The following KIF3C variants were observed in gnomAD, a reference collection of about 807,000 sequenced individuals.
KIF3C encodes kinesin-like protein KIF3C.
Under a neutral mutation model 67.7 loss-of-function variants are expected in KIF3C, and 12 were observed. That is an observed-to-expected ratio of 0.18 (90% CI 0.11 to 0.29). The LOEUF is 0.29. Ranked by LOEUF, KIF3C falls within the 10% of genes least tolerant of loss-of-function variation. The pLI, the probability that KIF3C is intolerant of heterozygous loss-of-function variation, is 1.00. For synonymous variants in KIF3C, 393 were observed against 426.2 expected, an observed-to-expected ratio of 0.92 and a Z score of 0.96; for missense variants, 789 against 1,059.6, an observed-to-expected ratio of 0.74 and a Z score of 3.55.
In KIF3C at chr2:25,980,331, T is replaced by C. The variant is rs769765061; in HGVS notation, c.1545+42A>G. 6.6e-7 allele frequency: 1 copy of C among 1,511,956 alleles called. No individual in the cohort carries two copies. Among genetic ancestry groups the C allele is most frequent in the Non-Finnish European group, 9.0e-7 (1 of 1,105,228 alleles). The allele number at this position is 1,511,956 out of a possible 1,614,324, so 93.7% of individuals were successfully genotyped here. A position where few individuals can be genotyped will look rare whatever the true frequency, so the allele number is the denominator to read the frequency against. Reference sequence around the variant, plus strand: ...GAAGAGCCTCCTTGCCGGGATCCCCTGCGGGGACATCTCGAGTGCCCAGCT... The same window carrying C: ...GAAGAGCCTCCTTGCCGGGATCCCCCGCGGGGACATCTCGAGTGCCCAGCT... On this transcript the variant is annotated intron_variant, in intron 1 of 7. Coordinates refer to ENST00000264712, the MANE Select transcript of KIF3C (RefSeq NM_002254.8). The surrounding 1 kb of genome is among the most constrained non-coding windows in gnomAD (Gnocchi z 7.6).
rs149613696 is a variant in KIF3C at position 25,966,552 on chromosome 2, G to A, written c.1546-10108C>T. On this transcript the variant is annotated intron_variant, in intron 1 of 7. Coordinates refer to ENST00000264712, the MANE Select transcript of KIF3C (RefSeq NM_002254.8). Reference sequence around the variant, plus strand: ...ACAATGCCAGCTTGTAGACACAGCCGGGGATACTCAGAGACTCACCTTTAA... The same window carrying A: ...ACAATGCCAGCTTGTAGACACAGCCAGGGATACTCAGAGACTCACCTTTAA... Among the ~76,000 whole-genome samples, 112 of 152,290 alleles carry A rather than the reference G, an allele frequency of 7.4e-4. 1 individual carries two copies. In the East Asian group the frequency reaches 0.019, roughly 26 times the overall value.
rs981436631 is a variant in KIF3C, at chr2:25,958,436, C to A, written c.1546-1992G>T. On this transcript the variant is annotated intron_variant, in intron 1 of 7. Coordinates refer to ENST00000264712, the MANE Select transcript of KIF3C (RefSeq NM_002254.8). The surrounding 1 kb of genome is among the most constrained non-coding windows in gnomAD (Gnocchi z 4.5). Reference sequence around the variant, plus strand: ...GCTCTACTAAAAAGACAAAAATTAGCTGGGTGTGGTGGCGTGCACCTGTAG... The same window carrying A: ...GCTCTACTAAAAAGACAAAAATTAGATGGGTGTGGTGGCGTGCACCTGTAG... Among the ~76,000 whole-genome samples, 3 of 151,988 alleles carry A rather than the reference C, an allele frequency of 2.0e-5. No individual in the cohort carries two copies. In the East Asian group the frequency reaches 5.8e-4, roughly 29 times the overall value.
chr2:25,942,514 G>T (rs542977161), intron 5 of KIF3C, among the ~76,000 whole-genome samples: 10 of 151,402 alleles, frequency 6.6e-5, no homozygotes, highest in Non-Finnish European at 1.3e-4. Flanking sequence ...GGGTTCAAGC[G>T]ATTCTCCTGC....
chr2:25,976,660 A>G (rs971908343), intron 1 of KIF3C, among the ~76,000 whole-genome samples: 1 of 152,008 alleles, frequency 6.6e-6, no homozygotes, highest in Non-Finnish European at 1.5e-5. Context: ...ACTAGGGAGG[A>G]TGAGGCAGGA....
chr2:25,929,226 C>A, intron 7 of KIF3C, 79 bp downstream of exon 7: 1 of 1,524,276 alleles, frequency 6.6e-7, no homozygotes, highest in Non-Finnish European at 9.0e-7. Flanking sequence ...ACCAGCAAAA[C>A]CCTCTTTAGC....
At position 25,981,265 on chromosome 2, in the gene KIF3C, G is replaced by A; in HGVS notation, c.653C>T (p.Ala218Val). ...GCACTCCACAGTGATGATGAAGATG[G>A]CATGGGAGCGGGAGCTGACCTCATT... Reference protein sequence around the residue: ...HMNEVSSRSHAIFIITVECSE... With the variant: ...HMNEVSSRSHVIFIITVECSE... Residue 218 changes from alanine (A) to valine (V), a missense_variant, in exon 1 of 8, where the codon GCC (alanine) becomes GTC (valine). Around this residue, in one of 2 missense-constraint regions of KIF3C, gnomAD observed 648 missense variants for 807.8 expected, o/e 0.80. Coordinates refer to ENST00000264712, the MANE Select transcript of KIF3C (RefSeq NM_002254.8). The surrounding 1 kb of genome is among the most constrained non-coding windows in gnomAD (Gnocchi z 8.2). 2 of 1,614,204 alleles carry A rather than the reference G, an allele frequency of 1.2e-6. No individual in the cohort carries two copies. The highest frequency in any genetic ancestry group is 1.7e-6 in the Non-Finnish European group (2 of 1,180,034).
intron 4 of KIF3C, 37 bp from the exon 5 acceptor site, chr2:25,951,942 T>C (rs531331236): frequency 7.1e-7 from 1 of 1,403,540 alleles, no homozygotes; most frequent in Non-Finnish European, 1.0e-6. Flanking sequence ...GGAAAATGGG[T>C]GAGCGAGAGA....
At chr2:25,935,421 T>C (rs1044502944) in intron 5 of KIF3C, among the ~76,000 whole-genome samples, 1 of 152,008 alleles carries the variant, frequency 6.6e-6, no homozygotes, top group Non-Finnish European at 1.5e-5. Context: ...AGCTGGAGTG[T>C]GATGGCAACA....
intron 1 of KIF3C, among the ~76,000 whole-genome samples, chr2:25,979,885 G>A (rs1371610165): frequency 1.3e-5 from 2 of 152,150 alleles, no homozygotes; most frequent in South Asian, 2.1e-4. Context: ...ATGGCCAAAG[G>A]ATCCAATGAG....
At chr2:25,966,703 G>A (rs1664149176) in intron 1 of KIF3C, among the ~76,000 whole-genome samples, 1 of 152,340 alleles carries the variant, frequency 6.6e-6, no homozygotes, top group Admixed American at 6.5e-5. Flanking sequence ...CTTCTGGAAA[G>A]ATAGCATCAA....
intron 5 of KIF3C, among the ~76,000 whole-genome samples, chr2:25,931,853 C>T (rs2090461746): frequency 1.3e-5 from 2 of 150,782 alleles, no homozygotes; most frequent in Middle Eastern, 3.5e-3. Context: ...TGGCTGGTCT[C>T]GAACTCCTGA....
At chr2:25,978,342 A>C (rs548140110) in intron 1 of KIF3C, among the ~76,000 whole-genome samples, 1 of 152,272 alleles carries the variant, frequency 6.6e-6, no homozygotes, top group South Asian at 2.1e-4. Flanking sequence ...TAAGATGTCA[A>C]CGCCTTATAT....
intron 5 of KIF3C, among the ~76,000 whole-genome samples, chr2:25,933,623 C>T (rs577128510): frequency 1.3e-5 from 2 of 150,852 alleles, no homozygotes; most frequent in Admixed American, 6.6e-5. Flanking sequence ...TGCAGTGAGC[C>T]GTGATCATGT....
intron 5 of KIF3C, among the ~76,000 whole-genome samples, chr2:25,932,156 C>A (rs2149221528): frequency 6.6e-6 from 1 of 151,956 alleles, no homozygotes; most frequent in South Asian, 2.1e-4. Context: ...CGCATGCCAC[C>A]ACATCCAGCT....
intron 1 of KIF3C, among the ~76,000 whole-genome samples, chr2:25,971,746 T>C (rs997176208): frequency 3.3e-5 from 5 of 151,994 alleles, no homozygotes; most frequent in African/African-American, 1.2e-4. Context: ...CTCGCTCTGT[T>C]GTCCAGGCTG....
chr2:25,929,348 G>T lies in KIF3C; in HGVS notation c.2245C>A (p.Leu749Met), dbSNP rs778309092. 15 of 1,614,080 alleles carry T rather than the reference G, an allele frequency of 9.3e-6. No individual in the cohort carries two copies. In the African/African-American group the frequency reaches 2.0e-4, roughly 22 times the overall value. Residue 749 changes from leucine (L) to methionine (M), a missense_variant, in exon 7 of 8, where the codon CTG becomes ATG. Leu to Met is a conservative substitution (Grantham distance 15). Transcript: ENST00000264712. ...MERLMRLDSF[L>M]ERPSTSKVRK... Reference sequence around the variant, plus strand: ...ACTTTAGACGTGGAAGGTCTTTCCAGAAAGCTGTCCAATCGCATGAGCCTC... The same window carrying T: ...ACTTTAGACGTGGAAGGTCTTTCCATAAAGCTGTCCAATCGCATGAGCCTC...
intron 1 of KIF3C, among the ~76,000 whole-genome samples, chr2:25,962,427 TG>T (rs781391532): frequency 5.3e-5 from 8 of 151,994 alleles, no homozygotes; most frequent in Non-Finnish European, 1.2e-4. Context: ...TTGCCCAGGC[TG>T]GAGTGCAATG....
chr2:25,961,123 T>G (rs1193626668), intron 1 of KIF3C, among the ~76,000 whole-genome samples: 1 of 152,104 alleles, frequency 6.6e-6, no homozygotes. Context: ...GAGAGTTCTT[T>G]CAGAATGGGA....
At chr2:25,950,207 C>G (rs116833548) in intron 5 of KIF3C, among the ~76,000 whole-genome samples, 10,938 of 149,438 alleles carry the variant, frequency 0.073, 515 homozygotes, top group African/African-American at 0.12. Flanking sequence ...GCAGAAAGAC[C>G]TTTTCTTTTC....
Sources: allele counts gnomAD v4.1 joint callset (sites outside exome capture counted in the v4.1 genomes callset), GRCh38; gene constraint gnomAD v4.1.1; regional missense constraint gnomAD v4.1.1; non-coding constraint Gnocchi (gnomAD v3.1); transcripts MANE v1.5; gene names NCBI Gene and HGNC (gene_info 2026-07-23, HGNC 2026-07-21).